Variants in RFX7 observed in about 807,000 individuals in gnomAD.
RFX7 encodes DNA-binding protein RFX7.
A neutral mutation model predicts 111.8 loss-of-function variants in RFX7; 26 were observed. The observed-to-expected ratio is 0.23, with a 90% CI of 0.17 to 0.32. The LOEUF is 0.32. Among genes scored for constraint, RFX7 ranks in the 10% least tolerant of loss-of-function variants. RFX7 has a pLI of 1.00. For synonymous variants in RFX7, 624 were observed against 624.4 expected, an observed-to-expected ratio of 1.00 and a Z score of 0.01; for missense variants, 1,573 against 1,772.9, an observed-to-expected ratio of 0.89 and a Z score of 2.02.
chr15:56,205,517 T>A (rs574957461), intron 2 of RFX7, among the ~76,000 whole-genome samples: 1 of 152,360 alleles, frequency 6.6e-6, no homozygotes, highest in East Asian at 1.9e-4. Flanking sequence ...ACTCTCATTA[T>A]GTTGACACAA....
chr15:56,172,002 C>T (rs1463524877), intron 3 of RFX7, among the ~76,000 whole-genome samples: 3 of 151,822 alleles, frequency 2.0e-5, no homozygotes, highest in Non-Finnish European at 2.9e-5. Context: ...TGAGAAGGAA[C>T]GGCCTAAAAT....
At chr15:56,232,606 C>G (rs1420167233) in intron 2 of RFX7, among the ~76,000 whole-genome samples, 1 of 152,176 alleles carries the variant, frequency 6.6e-6, no homozygotes, top group Non-Finnish European at 1.5e-5. Context: ...TTTTCTAATA[C>G]ATCGTCAGGC....
At chr15:56,177,263 C>T (rs1312757619) in intron 3 of RFX7, among the ~76,000 whole-genome samples, 3 of 152,140 alleles carry the variant, frequency 2.0e-5, no homozygotes, top group Non-Finnish European at 4.4e-5. Flanking sequence ...AGAGAAGATT[C>T]TCAGAGAAGC....
chr15:56,212,522 C>G (rs182176407), intron 2 of RFX7, among the ~76,000 whole-genome samples: 1 of 152,108 alleles, frequency 6.6e-6, no homozygotes, highest in East Asian at 1.9e-4. Context: ...AATACTGTGT[C>G]AATGAAGGTA....
At chr15:56,184,420 C>T (rs1203870397) in intron 2 of RFX7, among the ~76,000 whole-genome samples, 16 of 151,922 alleles carry the variant, frequency 1.1e-4, no homozygotes, top group Admixed American at 1.0e-3. Flanking sequence ...ATCTTTATGT[C>T]TCTTTCTCCC....
intron 2 of RFX7, among the ~76,000 whole-genome samples, chr15:56,213,729 T>A (rs1244784869): frequency 6.6e-6 from 1 of 152,224 alleles, no homozygotes; most frequent in African/African-American, 2.4e-5. Flanking sequence ...TATGACTAGA[T>A]GTGAACCAAC....
At chr15:56,097,490 C>T (rs966101759) in intron 9 of RFX7, among the ~76,000 whole-genome samples, 8 of 151,984 alleles carry the variant, frequency 5.3e-5, no homozygotes, top group East Asian at 3.9e-4. Context: ...GGGTGGCTCA[C>T]GCTTATAATC....
At chr15:56,125,333 G>T (rs946212504) in intron 5 of RFX7, among the ~76,000 whole-genome samples, 4 of 151,958 alleles carry the variant, frequency 2.6e-5, no homozygotes, top group African/African-American at 9.7e-5. Context: ...TGGCAATTCT[G>T]GGTCTTCTGT....
chr15:56,220,232 TTTTA>T (rs1208129017), intron 2 of RFX7, among the ~76,000 whole-genome samples: 88 of 152,272 alleles, frequency 5.8e-4, no homozygotes, highest in Admixed American at 5.0e-3. Flanking sequence ...TTTTATTTCA[TTTTA>T]TTTATTTTTT....
At chr15:56,202,587 T>C (rs1596006278) in intron 2 of RFX7, among the ~76,000 whole-genome samples, 1 of 152,124 alleles carries the variant, frequency 6.6e-6, no homozygotes, top group East Asian at 1.9e-4. Flanking sequence ...GAGGATTGCT[T>C]GAAGCCAGGA....
chr15:56,161,893 C>A (rs2042724259), intron 3 of RFX7, among the ~76,000 whole-genome samples: 1 of 152,014 alleles, frequency 6.6e-6, no homozygotes, highest in Non-Finnish European at 1.5e-5. Context: ...TGAGAGCCAT[C>A]TTAAGAACAC....
intron 4 of RFX7, among the ~76,000 whole-genome samples, chr15:56,143,633 C>A (rs1302293388): frequency 2.0e-5 from 3 of 152,090 alleles, no homozygotes; most frequent in Non-Finnish European, 4.4e-5. Context: ...ACATCCATCT[C>A]AGCTATCTGT....
chr15:56,153,627 T>C (rs1281859087), intron 3 of RFX7, among the ~76,000 whole-genome samples: 1 of 152,192 alleles, frequency 6.6e-6, no homozygotes, highest in Non-Finnish European at 1.5e-5. Context: ...AAACTAGGTA[T>C]TGATGGAACT....
intron 5 of RFX7, among the ~76,000 whole-genome samples, chr15:56,111,130 A>G (rs1432225110): frequency 7.2e-5 from 10 of 139,460 alleles, no homozygotes; most frequent in African/African-American, 2.3e-4. Flanking sequence ...CCCGGCCACC[A>G]CCCCGTCTGG....
chr15:56,240,011 TAACC>T (rs780930953), intron 2 of RFX7, among the ~76,000 whole-genome samples: 15 of 139,526 alleles, frequency 1.1e-4, no homozygotes, highest in Non-Finnish European at 2.3e-4. Flanking sequence ...TTTTTTGAAG[TAACC>T]AAAGAGGGGT....
intron 2 of RFX7, among the ~76,000 whole-genome samples, chr15:56,191,266 TA>T (rs2043098215): frequency 6.6e-6 from 1 of 152,134 alleles, no homozygotes; most frequent in Admixed American, 6.5e-5. Context: ...AAGCTTTGAT[TA>T]AAAAATTAAA....
At chr15:56,120,038 G>C (rs1390989322) in intron 5 of RFX7, among the ~76,000 whole-genome samples, 2 of 152,024 alleles carry the variant, frequency 1.3e-5, no homozygotes, top group African/African-American at 4.8e-5. Context: ...TAATATTTCT[G>C]TGCAGAATGT....
chr15:56,149,445 A>G (rs2042536363), intron 3 of RFX7, among the ~76,000 whole-genome samples: 2 of 152,212 alleles, frequency 1.3e-5, no homozygotes, highest in Non-Finnish European at 1.5e-5. Context: ...CCGGTCTGCA[A>G]TTCCCAGCGA....
intron 3 of RFX7, among the ~76,000 whole-genome samples, chr15:56,167,153 A>AT (rs1476436389): frequency 8.6e-5 from 13 of 151,522 alleles, no homozygotes; most frequent in Admixed American, 3.3e-4. Flanking sequence ...AAAAAACAAA[A>AT]TTTTTTTTGC....
Sources: allele counts gnomAD v4.1 joint callset (sites outside exome capture counted in the v4.1 genomes callset), GRCh38; gene constraint gnomAD v4.1.1; transcripts MANE v1.5; gene names NCBI Gene and HGNC (gene_info 2026-07-23, HGNC 2026-07-21).